Variants in NUAK1 observed in about 807,000 individuals in gnomAD.
The protein encoded by NUAK1 is NUAK family SNF1-like kinase 1.
In NUAK1, 26 loss-of-function variants were observed where a neutral mutation model predicts 56.9. The observed-to-expected ratio is 0.46, with a 90% confidence interval of 0.33 to 0.63. The LOEUF is 0.63. NUAK1 is among the 30% of genes least tolerant of loss of function. NUAK1 has a pLI of 0.02. For synonymous variants in NUAK1, 337 were observed against 336.0 expected, an observed-to-expected ratio of 1.00 and a Z score of -0.03; for missense variants, 727 against 876.1, an observed-to-expected ratio of 0.83 and a Z score of 2.15.
At chr12:106,076,571 C>G (rs572001040) in intron 4 of NUAK1, among the ~76,000 whole-genome samples, 1 of 152,166 alleles carries the variant, frequency 6.6e-6, no homozygotes, top group Non-Finnish European at 1.5e-5. Flanking sequence ...ACTCAAGGCT[C>G]GGGTCCTTAA....
At position 106,070,875 on chromosome 12, in the gene NUAK1, T is replaced by TA; in HGVS notation, c.730dup (p.Tyr244LeufsTer55). On this transcript the variant is annotated frameshift_variant, in exon 6 of 7. Transcript: ENST00000261402. LOFTEE classifies it high-confidence loss of function. Reference sequence around the variant, plus strand: ...GGGCATTGTTCCATAAACAAGAGTGTAAAGCAACACACCCAGGGCCCAGCT... The same window carrying TA: ...GGGCATTGTTCCATAAACAAGAGTGTAAAAGCAACACACCCAGGGCCCAGCT... 1.2e-6 allele frequency: 2 copies of TA among 1,614,014 alleles called. No homozygotes were observed. The highest frequency in any genetic ancestry group is 1.7e-6 in the Non-Finnish European group (2 of 1,180,004).
chr12:106,082,906 C>A (rs1592850795), intron 4 of NUAK1, among the ~76,000 whole-genome samples: 1 of 152,198 alleles, frequency 6.6e-6, no homozygotes, highest in South Asian at 2.1e-4. Context: ...CCACTAACGT[C>A]ACCAGCGGCC....
chr12:106,125,065 C>T (rs1223610446), intron 1 of NUAK1, among the ~76,000 whole-genome samples: 1 of 151,762 alleles, frequency 6.6e-6, no homozygotes, highest in African/African-American at 2.4e-5. Context: ...AATTTTAAAA[C>T]AAAAATCTGG....
chr12:106,109,555 GAAAAAAAAAAA>G (rs5800702), intron 1 of NUAK1, among the ~76,000 whole-genome samples: 5 of 123,528 alleles, frequency 4.0e-5, no homozygotes, highest in African/African-American at 1.4e-4. Flanking sequence ...GGTTGTTAAG[GAAAAAAAAAAA>G]AAAAAAAAGA....
At position 106,138,592 on chromosome 12, in the gene NUAK1, C is replaced by T. The variant is rs760586653; in HGVS notation, c.62G>A (p.Gly21Asp). The T allele has an allele frequency of 8.2e-6, 13 of 1,581,282 alleles. No homozygotes were observed. The highest frequency in any genetic ancestry group is 1.3e-5 in the African/African-American group (1 of 74,594). ...CCCCGCCACCGCCTCTCGGGGAGAGCCCGGCGCCCCCAGCCCCAAGTCGGG... is the reference window on the plus strand; with the variant it reads ...CCCCGCCACCGCCTCTCGGGGAGAGTCCGGCGCCCCCAGCCCCAAGTCGGG... Reference protein sequence around the residue: ...DRPDLGLGAPGSPREAVAGAT... With the variant: ...DRPDLGLGAPDSPREAVAGAT... The change falls in exon 1 of 7, where the codon GGC becomes GAC. Residue 21 changes from glycine (G) to aspartate (D), a missense_variant. Physicochemically the swap from Gly to Asp is moderately conservative, Grantham distance 94. Coordinates refer to ENST00000261402, the MANE Select transcript of NUAK1 (RefSeq NM_014840.3). The surrounding 1 kb of genome is among the most constrained non-coding windows in gnomAD (Gnocchi z 5.0).
intron 2 of NUAK1, among the ~76,000 whole-genome samples, chr12:106,099,566 C>T (rs1335212550): frequency 2.0e-5 from 3 of 152,120 alleles, no homozygotes; most frequent in Non-Finnish European, 4.4e-5. Context: ...TCAGGAGCAC[C>T]GAGTTCTGAG....
chr12:106,136,779 A>G (rs1214173918), intron 1 of NUAK1, among the ~76,000 whole-genome samples: 1 of 152,202 alleles, frequency 6.6e-6, no homozygotes, highest in African/African-American at 2.4e-5. Context: ...ATGAGCAGGG[A>G]TCTAAGCTTA....
In NUAK1 at chr12:106,124,845, A is replaced by C. The variant is rs180781576; in HGVS notation, c.240+13569T>G. 1.7e-3 allele frequency among the ~76,000 whole-genome samples: 257 copies of C among 152,070 alleles called. 1 individual carries two copies. The highest frequency in any genetic ancestry group is 6.0e-3 in the African/African-American group (248 of 41,482). On this transcript the variant is annotated intron_variant, in intron 1 of 6. Transcript: ENST00000261402. The stretch of plus-strand genomic sequence containing the variant: ...TGCCCCGTCTCTACTAAAAATACAA[A>C]AATCAGCTAGGCATGGTGGTGCACA...
In NUAK1 at chr12:106,086,820, A is replaced by C; in HGVS notation, c.427T>G (p.Tyr143Asp). The change falls in exon 3 of 7, where the codon TAC becomes GAC. Residue 143 changes from tyrosine to aspartate, a missense_variant. Tyr to Asp is a radical substitution (Grantham distance 160). Transcript: ENST00000261402. ...EYASKGELYDYISERRRLSER... is the reference protein window; with the variant it reads ...EYASKGELYDDISERRRLSER... ...CTGAGGCGTCGCCGCTCACTGATGT[A>C]ATCGTACAGCTCCCCTTTGCTGGCA... 1.2e-6 allele frequency: 2 copies of C among 1,614,232 alleles called. No individual in the cohort carries two copies. Among genetic ancestry groups the C allele is most frequent in the Non-Finnish European group, 1.7e-6 (2 of 1,180,020 alleles).
Position 106,072,849 on chromosome 12 carries a change from A to C in NUAK1, c.580-6T>G. 6.2e-7 allele frequency: 1 copy of C among 1,613,804 alleles called. No homozygotes were observed. The highest frequency in any genetic ancestry group is 8.5e-7 in the Non-Finnish European group (1 of 1,179,772). ...GAAAGCCCAAAGTCAGCAATCTACA[A>C]AGAGAAGCAAGACCCAGGGAGACTT... On this transcript the variant is annotated splice_polypyrimidine_tract_variant and splice_region_variant and intron_variant, in intron 4 of 6. Coordinates refer to ENST00000261402, the MANE Select transcript of NUAK1 (RefSeq NM_014840.3).
intron 1 of NUAK1, among the ~76,000 whole-genome samples, chr12:106,112,806 T>C (rs7134222): frequency 0.28 from 43,282 of 152,152 alleles, 11,298 homozygotes; most frequent in African/African-American, 0.7. Flanking sequence ...GCATGGTATG[T>C]GTAGCTAGGA....
rs116298658 is a variant in NUAK1 at position 106,086,000 on chromosome 12, C to T, written c.513+734G>A. On this transcript the variant is annotated intron_variant, in intron 3 of 6. Transcript: ENST00000261402. The stretch of plus-strand genomic sequence containing the variant: ...TGGATTATAGGCATGAGCCTGTCTG[C>T]GGCCATCTTCTGAGCACATCCGTGC... 2.5e-3 allele frequency among the ~76,000 whole-genome samples: 384 copies of T among 152,316 alleles called. 2 individuals carry two copies. The highest frequency in any genetic ancestry group is 8.3e-3 in the African/African-American group (343 of 41,560).
intron 1 of NUAK1, among the ~76,000 whole-genome samples, chr12:106,111,963 G>A (rs1213070040): frequency 6.7e-6 from 1 of 150,036 alleles, no homozygotes; most frequent in Non-Finnish European, 1.5e-5. Flanking sequence ...GATTTTTAAG[G>A]CTATGAATAA....
At chr12:106,075,155 C>T (rs895870174) in intron 4 of NUAK1, among the ~76,000 whole-genome samples, 3 of 152,030 alleles carry the variant, frequency 2.0e-5, no homozygotes, top group African/African-American at 7.2e-5. Context: ...ATGTTATGGC[C>T]CACTCCTATC....
Position 106,067,396 on chromosome 12 carries a change from C to G in NUAK1, c.1392G>C (p.Lys464Asn). ...LSPKQSATMP[K>N]KGILKKTQQR... ...GCTGGGTCTTTTTCAAGATGCCTTT[C>G]TTGGGCATCGTGGCCGACTGCTTGG... is the stretch of plus-strand genomic sequence containing the variant. The change falls in exon 7 of 7, where the codon AAG becomes AAC. Residue 464 changes from lysine (K) to asparagine (N), a missense_variant. Lys to Asn is a moderately conservative substitution (Grantham distance 94). Transcript: ENST00000261402. This position sits in a 1 kb window ranked among gnomAD's most constrained non-coding sequence, Gnocchi z 6.0. The G allele has an allele frequency of 6.2e-7, 1 of 1,614,206 alleles. No individual in the cohort carries two copies. The highest frequency in any genetic ancestry group is 2.2e-5 in the East Asian group (1 of 44,874).
intron 1 of NUAK1, among the ~76,000 whole-genome samples, chr12:106,135,256 T>C (rs1701606814): frequency 6.6e-6 from 1 of 152,194 alleles, no homozygotes; most frequent in Non-Finnish European, 1.5e-5. Context: ...GAGTGCCTCA[T>C]TTTTGAGCTT....
At chr12:106,109,862 G>A (rs1592858243) in intron 1 of NUAK1, among the ~76,000 whole-genome samples, 1 of 152,316 alleles carries the variant, frequency 6.6e-6, no homozygotes, top group Non-Finnish European at 1.5e-5. Flanking sequence ...TGCTAAATAA[G>A]TGTCAGTCTT....
At chr12:106,131,892 C>T (rs923388429) in intron 1 of NUAK1, among the ~76,000 whole-genome samples, 2 of 152,214 alleles carry the variant, frequency 1.3e-5, no homozygotes, top group Non-Finnish European at 2.9e-5. Flanking sequence ...GGTCATCAGG[C>T]CCAGCCCCTC....
At chr12:106,093,234 T>C (rs996335839) in intron 2 of NUAK1, among the ~76,000 whole-genome samples, 1 of 152,234 alleles carries the variant, frequency 6.6e-6, no homozygotes, top group African/African-American at 2.4e-5. Context: ...AGTTTCACCA[T>C]TGTTTCAACA....
Sources: gnomAD v4.1 joint callset for allele counts (sites outside exome capture counted in the v4.1 genomes callset) on GRCh38, gnomAD v4.1.1 for gene constraint, Gnocchi (gnomAD v3.1) non-coding constraint, MANE v1.5 for transcripts, NCBI Gene and HGNC (gene_info 2026-07-23, HGNC 2026-07-21) for gene names.